SLC6A12: variants seen among roughly 807,000 people sequenced by gnomAD.
SLC6A12 encodes the protein solute carrier family 6 member 12.
A neutral mutation model predicts 73.3 loss-of-function variants in SLC6A12; 50 were observed. That is an observed-to-expected ratio of 0.68 (90% CI 0.54 to 0.86). The LOEUF is 0.86. Ranked by LOEUF, SLC6A12 falls within the 40% of genes least tolerant of loss-of-function variation. SLC6A12 has a pLI of 0.00. For missense variants in SLC6A12, 648 were observed against 772.8 expected (o/e 0.84, Z 1.92); for synonymous variants, 304 against 309.2 (o/e 0.98, Z 0.18).
chr12:202,684 G>A (rs1401058259), intron 5 of SLC6A12, 56 bp downstream of exon 5: 6 of 1,561,088 alleles, frequency 3.8e-6, no homozygotes, highest in Non-Finnish European at 5.2e-6. Flanking sequence ...GGATTCACCA[G>A]CCACCGCAGC....
In SLC6A12 at chr12:199,150, G is replaced by A. The variant is rs368248752; in HGVS notation, c.712-219C>T. 38 of 430,080 alleles carry A rather than the reference G, an allele frequency of 8.8e-5. 3 individuals carry two copies. Among genetic ancestry groups the A allele is most frequent in the African/African-American group, 5.7e-4 (28 of 49,050 alleles). 26.6% of individuals were successfully genotyped at this position (430,080 alleles called of 1,614,324 possible). A position where few individuals can be genotyped will look rare whatever the true frequency, so the allele number is the denominator to read the frequency against. On this transcript the variant is annotated intron_variant, in intron 7 of 15. Coordinates refer to ENST00000684302, the MANE Select transcript of SLC6A12 (RefSeq NM_001122848.3). ...GATACACATCAGCAGGGGGAGGGTG[G>A]GGAGGGGAGGAGGAAGACAGGGAGG...
At chr12:194,856 C>T (rs914927668) in intron 13 of SLC6A12, among the ~76,000 whole-genome samples, 1 of 152,204 alleles carries the variant, frequency 6.6e-6, no homozygotes, top group Non-Finnish European at 1.5e-5. Context: ...GTTGGAAAGG[C>T]AGTGTGGGAG....
rs1398913758 is a variant in SLC6A12, at chr12:204,631, C to T, written c.282G>A (p.Val94=). The change falls in exon 4 of 16, where the codon GTG becomes GTA. Residue 94 remains valine, a synonymous_variant. Coordinates refer to ENST00000684302, the MANE Select transcript of SLC6A12 (RefSeq NM_001122848.3). ...VCGIPVFFLE[V]ALGQYTSQGS... is the part of the protein sequence containing the mutation. The stretch of plus-strand genomic sequence containing the variant: ...CTTGGCTGGTGTATTGGCCCAACGC[C>T]ACCTCCAGGAAGAACACCGGGATGC... 1 of 1,614,192 alleles carries T rather than the reference C, an allele frequency of 6.2e-7. No individual in the cohort carries two copies. Among genetic ancestry groups the T allele is most frequent in the South Asian group, 1.1e-5 (1 of 91,088 alleles).
At position 196,752 on chromosome 12, in the gene SLC6A12, T is replaced by A; in HGVS notation, c.1188+18A>T. Reference sequence around the variant, plus strand: ...AGAGGGTCACCACGGCAGGGCAGGCTGGGCTGCAGTGACGTACCTGGCTGT... The same window carrying A: ...AGAGGGTCACCACGGCAGGGCAGGCAGGGCTGCAGTGACGTACCTGGCTGT... On this transcript the variant is annotated intron_variant, in intron 11 of 15. Transcript: ENST00000684302. 1.3e-6 allele frequency: 2 copies of A among 1,565,426 alleles called. No individual in the cohort carries two copies.
chr12:196,097 GC>G, intron 12 of SLC6A12, 26 bp downstream of exon 12: 1 of 1,549,738 alleles, frequency 6.5e-7, no homozygotes, highest in South Asian at 1.2e-5. Flanking sequence ...CTGGAGCCTG[GC>G]CTGCAGGCCG....
At chr12:187,244 G>C (rs1195544582), downstream of SLC6A12, among the ~76,000 whole-genome samples, 1 of 152,088 alleles carries the variant, frequency 6.6e-6, no homozygotes, top group Non-Finnish European at 1.5e-5. Flanking sequence ...GTGGGTTCTT[G>C]GTCTCACTGA....
intron 6 of SLC6A12, chr12:201,549 A>C (rs1940264240): frequency 1.8e-6 from 1 of 558,650 alleles, no homozygotes; most frequent in South Asian, 2.0e-5. Context: ...GAAGGTGGAC[A>C]TGACGGATAA....
rs1034994396 is a variant in SLC6A12, at chr12:192,365, G to T, written c.1701+113C>A. ...TAAGATTCTGTGAGACTGAAGGGCT[G>T]CCCCACACTCAGAGTTTGTGTCTGC... On this transcript the variant is annotated intron_variant, in intron 15 of 15. Transcript: ENST00000684302. The T allele has an allele frequency of 5.6e-5, 49 of 879,268 alleles. No individual in the cohort carries two copies. In the African/African-American group the frequency reaches 6.8e-4, roughly 12 times the overall value. The allele number at this position is 879,268 out of a possible 1,614,324, so 54.5% of individuals were successfully genotyped here.
intron 7 of SLC6A12, among the ~76,000 whole-genome samples, 163 bp downstream of exon 7, chr12:200,488 G>A (rs965866800): frequency 6.6e-6 from 1 of 152,148 alleles, no homozygotes; most frequent in African/African-American, 2.4e-5. Context: ...GCTAAGCTCC[G>A]CCTTCCTGTG....
At chr12:202,605 C>T in intron 5 of SLC6A12, 135 bp downstream of exon 5, 1 of 820,510 alleles carries the variant, frequency 1.2e-6, no homozygotes, top group Non-Finnish European at 1.9e-6. Context: ...AGGAGCAGAG[C>T]TGCCCAGGAG....
chr12:184,611 G>A, the SLC6A12 span, among the ~76,000 whole-genome samples: 26 of 152,202 alleles, frequency 1.7e-4, 1 homozygote, highest in East Asian at 3.3e-3. Flanking sequence ...TTAGCCGGGC[G>A]TGGTGGCGGG....
At chr12:187,721 T>G (rs568316580), downstream of SLC6A12, among the ~76,000 whole-genome samples, 3 of 149,254 alleles carry the variant, frequency 2.0e-5, no homozygotes, top group African/African-American at 7.5e-5. Flanking sequence ...TTCTCTTACC[T>G]GGCCCCACCC....
rs761912292 is a variant in SLC6A12, at chr12:196,879, G to A, written c.1079C>T (p.Pro360Leu). 7.4e-6 allele frequency: 12 copies of A among 1,611,900 alleles called. No homozygotes were observed. The East Asian group carries it at 2.7e-4, about 36-fold the overall frequency. ...GGGGAAGGCGATGAAGGCCAGCCCA[G>A]GACCTGCCAGGTACACAGCACAGTC... Reference protein sequence around the residue: ...VPISEVAESGPGLAFIAFPKA... With the variant: ...VPISEVAESGLGLAFIAFPKA... Residue 360 changes from proline to leucine, a missense_variant, in exon 11 of 16, where the codon CCT becomes CTT. Physicochemically the swap from Pro to Leu is moderately conservative, Grantham distance 98. Coordinates refer to ENST00000684302, the MANE Select transcript of SLC6A12 (RefSeq NM_001122848.3).
rs768569779 is a variant in SLC6A12 at position 200,655 on chromosome 12, C to A, written c.707G>T (p.Gly236Val). 2.5e-6 allele frequency: 4 copies of A among 1,613,940 alleles called. No homozygotes were observed. The South Asian group carries it at 4.4e-5, about 18-fold the overall frequency. The change falls in exon 7 of 16, where the codon GGC (glycine) becomes GTC (valine). Residue 236 changes from glycine (G) to valine (V), a missense_variant. Coordinates refer to ENST00000684302, the MANE Select transcript of SLC6A12 (RefSeq NM_001122848.3). ...CCAGGAGGCAGGACATCTCACCTTG[C>A]CTGTGGACTTGACCCCCTTCCAGAT... is the stretch of plus-strand genomic sequence containing the variant. ...FCIWKGVKST[G>V]KVVYFTATFP...
Position 196,158 on chromosome 12 carries a change from A to G in SLC6A12, c.1292T>C (p.Met431Thr), listed in dbSNP as rs1452720538. Residue 431 changes from methionine to threonine, a missense_variant, in exon 12 of 16, where the codon ATG becomes ACG. Physicochemically the swap from Met to Thr is moderately conservative, Grantham distance 81. Coordinates refer to ENST00000684302, the MANE Select transcript of SLC6A12 (RefSeq NM_001122848.3). ...RELLILTIAV[M>T]CYLIGLFLVT... is the part of the protein sequence containing the mutation. ...CAGGAAAAGCCCTATCAGGTAGCAC[A>G]TGACGGCGATGGTGAGGATGAGGAG... 4 of 1,570,316 alleles carry G rather than the reference A, an allele frequency of 2.5e-6. No homozygotes were observed. The highest frequency in any genetic ancestry group is 3.5e-6 in the Non-Finnish European group (4 of 1,157,584).
At chr12:184,304 C>A in the SLC6A12 span, among the ~76,000 whole-genome samples, 6 of 152,310 alleles carry the variant, frequency 3.9e-5, no homozygotes, top group Admixed American at 1.3e-4. Context: ...AAGAAAACTT[C>A]ATAGCCCAGT....
intron 13 of SLC6A12, among the ~76,000 whole-genome samples, chr12:194,553 C>A (rs1177310137): frequency 6.6e-6 from 1 of 152,218 alleles, no homozygotes; most frequent in Non-Finnish European, 1.5e-5. Flanking sequence ...TCTCCCCCTG[C>A]ACAGATTGTA....
intron 14 of SLC6A12, 47 bp from the exon 15 acceptor site, chr12:192,695 A>G (rs1268195697): frequency 6.3e-7 from 1 of 1,577,486 alleles, no homozygotes. Context: ...GGGCGACTGA[A>G]ACCCTCTCCG....
At chr12:199,137 C>A in intron 7 of SLC6A12, 1 of 351,266 alleles carries the variant, frequency 2.8e-6, no homozygotes, top group Non-Finnish European at 5.5e-6. Context: ...TACACATCAG[C>A]AGGGGGAGGG....
Sources: allele counts gnomAD v4.1 joint callset (sites outside exome capture counted in the v4.1 genomes callset), GRCh38; gene constraint gnomAD v4.1.1; transcripts MANE v1.5; gene names NCBI Gene and HGNC (gene_info 2026-07-23, HGNC 2026-07-21).